GAPVD1: variants seen among roughly 807,000 people sequenced by gnomAD.
GAPVD1 encodes the protein GTPase activating protein and VPS9 domains 1.
GAPVD1 carries 35 observed loss-of-function variants against 155.5 expected under a neutral mutation model. The ratio of observed to expected loss-of-function variants is 0.23; its 90% CI spans 0.17 to 0.30. The LOEUF is 0.30. Among genes scored for constraint, GAPVD1 ranks in the 10% least tolerant of loss-of-function variants. The probability of loss-of-function intolerance (pLI) is 1.00; values close to 1 mark genes in which losing one functional copy is unlikely to be tolerated. For missense variants in GAPVD1, 1,429 were observed against 1,775.7 expected, an observed-to-expected ratio of 0.80 and a Z score of 3.51; for synonymous variants, 636 against 619.7, an observed-to-expected ratio of 1.03 and a Z score of -0.39.
chr9:125,351,374 A>C (rs942388157), intron 23 of GAPVD1, among the ~76,000 whole-genome samples: 1 of 152,130 alleles, frequency 6.6e-6, no homozygotes, highest in East Asian at 1.9e-4. Context: ...CTCCCAACTC[A>C]TGTTCTCACA....
intron 1 of GAPVD1, among the ~76,000 whole-genome samples, chr9:125,266,368 C>CG (rs1175684853): frequency 6.6e-6 from 1 of 151,726 alleles, no homozygotes; most frequent in Admixed American, 6.6e-5. Flanking sequence ...GGCTGGAGTG[C>CG]AGTGGCGTGA....
At chr9:125,311,024 A>G (rs897139998) in intron 8 of GAPVD1, among the ~76,000 whole-genome samples, 4 of 151,274 alleles carry the variant, frequency 2.6e-5, no homozygotes, top group African/African-American at 7.3e-5. Context: ...TATTTTTAGT[A>G]GAGACGGGGT....
chr9:125,310,030 C>G, intron 8 of GAPVD1: 1 of 379,098 alleles, frequency 2.6e-6, no homozygotes, highest in Non-Finnish European at 5.5e-6. Flanking sequence ...GGCTGTTCTT[C>G]CTCTTCTTTT....
At chr9:125,350,514 T>A in intron 22 of GAPVD1, 110 bp downstream of exon 22, 2 of 780,680 alleles carry the variant, frequency 2.6e-6, no homozygotes, top group South Asian at 1.6e-5. Context: ...TGGTTCAACT[T>A]AATATGTTTA....
intron 2 of GAPVD1, among the ~76,000 whole-genome samples, chr9:125,293,587 T>C: frequency 7.2e-6 from 1 of 139,774 alleles, no homozygotes; most frequent in Non-Finnish European, 1.5e-5. Flanking sequence ...GTAGCTGGGA[T>C]GACAGGCAGC....
chr9:125,365,660 A>G lies in GAPVD1; in HGVS notation c.*2914A>G, dbSNP rs1851432775. Reference sequence around the variant, plus strand: ...AAATTATATTTTAATTTTTTTTGAGACATAGTCTTGCTCTGTCACCCAGTC... The same window carrying G: ...AAATTATATTTTAATTTTTTTTGAGGCATAGTCTTGCTCTGTCACCCAGTC... On this transcript the variant is annotated 3_prime_UTR_variant, in exon 28 of 28. Coordinates refer to ENST00000297933, the MANE Select transcript of GAPVD1 (RefSeq NM_001282680.3). 6.6e-6 allele frequency: 1 copy of G among 152,174 alleles called. No homozygotes were observed. Among genetic ancestry groups the G allele is most frequent in the East Asian group, 1.9e-4 (1 of 5,200 alleles). The allele number at this position is 152,174 out of a possible 1,614,324, so 9.4% of individuals were successfully genotyped here.
intron 1 of GAPVD1, among the ~76,000 whole-genome samples, chr9:125,262,229 A>C (rs1833040169): frequency 6.6e-6 from 1 of 152,044 alleles, no homozygotes; most frequent in Non-Finnish European, 1.5e-5. Context: ...TGGGATGGGA[A>C]GGGACAGGAG....
At chr9:125,292,474 CCTCTGCCT>C (rs797022069) in intron 2 of GAPVD1, among the ~76,000 whole-genome samples, 86 of 151,790 alleles carry the variant, frequency 5.7e-4, no homozygotes, top group African/African-American at 2.1e-3. Context: ...CTCACTGCAA[CCTCTGCCT>C]CTCGGGTTCA....
intron 14 of GAPVD1, among the ~76,000 whole-genome samples, 174 bp downstream of exon 14, chr9:125,332,234 T>C (rs1295436913): frequency 2.0e-5 from 3 of 152,280 alleles, no homozygotes; most frequent in African/African-American, 4.8e-5. Flanking sequence ...TGTGGCCTTA[T>C]GGAGCCTGTT....
chr9:125,289,266 T>C (rs1042661102), intron 2 of GAPVD1, among the ~76,000 whole-genome samples: 2 of 152,156 alleles, frequency 1.3e-5, no homozygotes, highest in African/African-American at 4.8e-5. Flanking sequence ...TGCAGGATTT[T>C]GAACACGGGA....
intron 25 of GAPVD1, among the ~76,000 whole-genome samples, chr9:125,356,967 G>A (rs573797120): frequency 1.3e-5 from 2 of 152,132 alleles, no homozygotes; most frequent in Non-Finnish European, 2.9e-5. Context: ...GAGCTGTTGC[G>A]CTCAGCCTTG....
chr9:125,297,543 A>G (rs554551280), intron 3 of GAPVD1, among the ~76,000 whole-genome samples: 51 of 152,312 alleles, frequency 3.3e-4, no homozygotes, highest in African/African-American at 1.1e-3. Context: ...GGACACTTTG[A>G]GAGAGGGACA....
At chr9:125,335,397 G>C (rs1846751500) in intron 15 of GAPVD1, 2 of 434,416 alleles carry the variant, frequency 4.6e-6, no homozygotes, top group Non-Finnish European at 8.2e-6. Context: ...TAAAAATGGG[G>C]CTGGGCGCGG....
At chr9:125,300,093 ATGTATT>A (rs1840625599) in intron 4 of GAPVD1, among the ~76,000 whole-genome samples, 1 of 100,508 alleles carries the variant, frequency 9.9e-6, no homozygotes, top group African/African-American at 3.9e-5. Flanking sequence ...ATATATATAT[ATGTATT>A]TCCATGTTTT....
chr9:125,276,242 G>A (rs1211880416), intron 2 of GAPVD1, among the ~76,000 whole-genome samples: 1 of 152,068 alleles, frequency 6.6e-6, no homozygotes, highest in South Asian at 2.1e-4. Context: ...TTTCTACAAT[G>A]TTTCACTCTT....
intron 9 of GAPVD1, among the ~76,000 whole-genome samples, chr9:125,321,103 A>G (rs1844275525): frequency 6.6e-6 from 1 of 152,230 alleles, no homozygotes. Flanking sequence ...ATCCAAGGTT[A>G]CATAGTTGAC....
At position 125,301,983 on chromosome 9, in the gene GAPVD1, T is replaced by TATG; in HGVS notation, c.186_187insATG (p.Ser62_Ala63insMet). On this transcript the variant is annotated inframe_insertion and splice_region_variant, in exon 5 of 28. Coordinates refer to ENST00000297933, the MANE Select transcript of GAPVD1 (RefSeq NM_001282680.3). Reference sequence around the variant, plus strand: ...TTGCTCTTTTTTTTTTTTTTTTTAGTGCTGAAGCTTCCCCTGCTGAATGTT... The same window carrying TATG: ...TTGCTCTTTTTTTTTTTTTTTTTAGTATGGCTGAAGCTTCCCCTGCTGAATGTT... The TATG allele has an allele frequency of 6.5e-7, 1 of 1,542,052 alleles. No individual in the cohort carries two copies.
At chr9:125,271,978 G>T (rs1289164382) in intron 2 of GAPVD1, among the ~76,000 whole-genome samples, 1 of 152,172 alleles carries the variant, frequency 6.6e-6, no homozygotes, top group African/African-American at 2.4e-5. Flanking sequence ...ATTGCCAAAT[G>T]TTTAAAAATA....
rs1851168801 is a variant in GAPVD1, at chr9:125,363,076, A to G, written c.*330A>G. On this transcript the variant is annotated 3_prime_UTR_variant, in exon 28 of 28. Coordinates refer to ENST00000297933, the MANE Select transcript of GAPVD1 (RefSeq NM_001282680.3). ...GAAATGTCTAGACCTCCATTCTTGG[A>G]TTCCCTTTCTTTCCTTTTATTTTAA... is the stretch of plus-strand genomic sequence containing the variant. The G allele has an allele frequency of 6.3e-6, 1 of 159,276 alleles. No homozygotes were observed. 9.9% of individuals were successfully genotyped at this position (159,276 alleles called of 1,614,324 possible). A position where few individuals can be genotyped will look rare whatever the true frequency, so the allele number is the denominator to read the frequency against.
Sources: gnomAD v4.1 joint callset for allele counts (sites outside exome capture counted in the v4.1 genomes callset) on GRCh38, gnomAD v4.1.1 for gene constraint, MANE v1.5 for transcripts, NCBI Gene and HGNC (gene_info 2026-07-23, HGNC 2026-07-21) for gene names.